Variants in ARFGAP1 observed in about 807,000 individuals in gnomAD.
The protein encoded by ARFGAP1 is ARF GTPase activating protein 1, also known as ADP-ribosylation factor GTPase-activating protein 1.
Under a neutral mutation model 54.0 loss-of-function variants are expected in ARFGAP1, and 26 were observed. The ratio of observed to expected loss-of-function variants is 0.48; its 90% confidence interval spans 0.35 to 0.67. The LOEUF (loss-of-function observed/expected upper bound fraction) is 0.67. Ranked by LOEUF, ARFGAP1 falls within the 30% of genes least tolerant of loss-of-function variation. ARFGAP1 has a pLI of 0.00. For missense variants in ARFGAP1, 525 were observed against 535.8 expected, an observed-to-expected ratio of 0.98 and a Z score of 0.20; for synonymous variants, 248 against 211.9, an observed-to-expected ratio of 1.17 and a Z score of -1.48.
chr20:63,284,948 G>T (rs2067488468), intron 10 of ARFGAP1, 26 bp downstream of exon 10: 16 of 1,612,212 alleles, frequency 9.9e-6, no homozygotes, highest in Non-Finnish European at 1.4e-5. Flanking sequence ...GGGTGGTTGT[G>T]CCTGGAGCCC....
intron 9 of ARFGAP1, chr20:63,283,339 G>A (rs532314705): frequency 9.8e-6 from 2 of 203,664 alleles, no homozygotes; most frequent in Non-Finnish European, 2.0e-5. Flanking sequence ...TAGGATGTGG[G>A]TAGGGGCCCC....
At chr20:63,284,032 C>T in intron 9 of ARFGAP1, 1 of 1,457,316 alleles carries the variant, frequency 6.9e-7, no homozygotes, top group South Asian at 1.4e-5. Context: ...CGTGGCTCTC[C>T]TTTAAGATCC....
Position 63,288,170 on chromosome 20 carries a change from A to C in ARFGAP1, c.*297A>C. The C allele has an allele frequency of 1.7e-6, 1 of 585,994 alleles. No homozygotes were observed. The highest frequency in any genetic ancestry group is 3.2e-6 in the Non-Finnish European group (1 of 316,400). The allele number at this position is 585,994 out of a possible 1,614,324, so 36.3% of individuals were successfully genotyped here. On this transcript the variant is annotated 3_prime_UTR_variant, in exon 13 of 13. Coordinates refer to ENST00000370283, the MANE Select transcript of ARFGAP1 (RefSeq NM_018209.4). ...CGTGGCTTGCTGGGAGGTGGGCTGC[A>C]GCACAGAGGCCTGTGACTGCGTTCC... is the stretch of plus-strand genomic sequence containing the variant.
At chr20:63,284,658 C>T in intron 9 of ARFGAP1, 1 of 1,410,548 alleles carries the variant, frequency 7.1e-7, no homozygotes, top group African/African-American at 1.4e-5. Context: ...TTGGTGGGGG[C>T]CGCGGTCTCC....
rs893009052 is a variant in ARFGAP1 at position 63,288,769 on chromosome 20, A to G, written c.*896A>G. ...TGCCCTGCACACCGGTGCCCGCCAC[A>G]TGCCAACCCTCACCTCCCCGAGGAC... On this transcript the variant is annotated 3_prime_UTR_variant, in exon 13 of 13. Coordinates refer to ENST00000370283, the MANE Select transcript of ARFGAP1 (RefSeq NM_018209.4). The G allele has an allele frequency of 2.9e-6, 1 of 343,172 alleles. No individual in the cohort carries two copies. Among genetic ancestry groups the G allele is most frequent in the Non-Finnish European group, 5.8e-6 (1 of 172,146 alleles). 21.3% of individuals were successfully genotyped at this position (343,172 alleles called of 1,614,324 possible). A position where few individuals can be genotyped will look rare whatever the true frequency, so the allele number is the denominator to read the frequency against.
intron 9 of ARFGAP1, 108 bp from the exon 10 acceptor site, chr20:63,284,754 TTCCC>T: frequency 9.1e-6 from 14 of 1,538,962 alleles, no homozygotes; most frequent in Non-Finnish European, 1.2e-5. Context: ...TCCTGCTGCC[TTCCC>T]TCCTGCTGGT....
chr20:63,282,048 G>A (rs1568737598), intron 8 of ARFGAP1, among the ~76,000 whole-genome samples: 3 of 151,900 alleles, frequency 2.0e-5, no homozygotes, highest in Middle Eastern at 3.4e-3. Flanking sequence ...CCGTCACAGC[G>A]CTCACCTGTC....
intron 7 of ARFGAP1, among the ~76,000 whole-genome samples, chr20:63,279,744 A>G (rs2067329042): frequency 6.6e-6 from 1 of 152,234 alleles, no homozygotes; most frequent in Non-Finnish European, 1.5e-5. Context: ...GCTCCAGGTC[A>G]GATGTTCAGA....
chr20:63,277,273 T>G lies in ARFGAP1; in HGVS notation c.411T>G (p.Pro137=). The G allele has an allele frequency of 6.2e-7, 1 of 1,613,072 alleles. No homozygotes were observed. The highest frequency in any genetic ancestry group is 8.5e-7 in the Non-Finnish European group (1 of 1,179,912). The change falls in exon 5 of 13, where the codon CCT becomes CCG. Residue 137 remains proline, a synonymous_variant. Transcript: ENST00000370283. The stretch of plus-strand genomic sequence containing the variant: ...CACCTGCCCAGAACTGGACCCCACC[T>G]CAGCCCAGGACGCTGCCGTCCATGG... ...ESSPAQNWTP[P]QPRTLPSMVH...
Position 63,287,596 on chromosome 20 carries a change from G to A in ARFGAP1, c.944G>A (p.Gly315Asp). Residue 315 changes from glycine (G) to aspartate (D), a missense_variant, in exon 13 of 13, where the codon GGT (glycine) becomes GAT (aspartate). Around this residue, in one of 3 missense-constraint regions of ARFGAP1, gnomAD observed 466 missense variants for 453.6 expected, o/e 1.03. Transcript: ENST00000370283. The part of the protein sequence containing the change: ...PSEGHSYQNS[G>D]LDHFQNSNID... Reference sequence around the variant, plus strand: ...GAGGGCCACAGTTATCAGAACAGCGGTCTGGACCACTTCCAAAACAGCAAC... The same window carrying A: ...GAGGGCCACAGTTATCAGAACAGCGATCTGGACCACTTCCAAAACAGCAAC... The A allele has an allele frequency of 6.2e-7, 1 of 1,609,648 alleles. No individual in the cohort carries two copies. The highest frequency in any genetic ancestry group is 1.7e-5 in the Admixed American group (1 of 59,864).
chr20:63,277,282 G>A lies in ARFGAP1; in HGVS notation c.420G>A (p.Arg140=). 2.5e-6 allele frequency: 4 copies of A among 1,612,958 alleles called. No homozygotes were observed. Among genetic ancestry groups the A allele is most frequent in the Non-Finnish European group, 3.4e-6 (4 of 1,179,918 alleles). ...AGAACTGGACCCCACCTCAGCCCAGGACGCTGCCGTCCATGGTGCACCGGT... is the reference window on the plus strand; with the variant it reads ...AGAACTGGACCCCACCTCAGCCCAGAACGCTGCCGTCCATGGTGCACCGGT... ...PAQNWTPPQP[R]TLPSMVHRVS... is the part of the protein sequence containing the mutation. The change falls in exon 5 of 13, where the codon AGG becomes AGA. Residue 140 remains arginine (R), a synonymous_variant. Transcript: ENST00000370283.
At chr20:63,279,137 C>T (rs1368228176) in intron 7 of ARFGAP1, 142 bp downstream of exon 7, 7 of 838,782 alleles carry the variant, frequency 8.3e-6, no homozygotes, top group South Asian at 1.5e-5. Context: ...TTACCTTCAG[C>T]GACGTTTTCT....
chr20:63,279,328 C>T (rs1201530769), intron 7 of ARFGAP1: 1 of 424,564 alleles, frequency 2.4e-6, no homozygotes, highest in Admixed American at 3.3e-5. Context: ...GCCTCAGCCT[C>T]CTGAGTAGCT....
intron 1 of ARFGAP1, among the ~76,000 whole-genome samples, chr20:63,275,228 A>G (rs1336490039): frequency 6.6e-6 from 1 of 152,254 alleles, no homozygotes; most frequent in Admixed American, 6.5e-5. Flanking sequence ...GTATTTTTAA[A>G]GACTACCCCT....
chr20:63,285,693 G>T lies in ARFGAP1; in HGVS notation c.814G>T (p.Val272Phe), dbSNP rs1376082439. 1.2e-6 allele frequency: 2 copies of T among 1,613,676 alleles called. No homozygotes were observed. The highest frequency in any genetic ancestry group is 2.2e-5 in the East Asian group (1 of 44,884). ...GKIFDDVSSG[V>F]SQLASKVQGV... Reference sequence around the variant, plus strand: ...GATTTTTGATGATGTCTCCAGTGGGGTCTCTCAGTTGGCGTCCAAGGTAGG... The same window carrying T: ...GATTTTTGATGATGTCTCCAGTGGGTTCTCTCAGTTGGCGTCCAAGGTAGG... Residue 272 changes from valine (V) to phenylalanine (F), a missense_variant, in exon 11 of 13, where the codon GTC (valine) becomes TTC (phenylalanine). Around this residue, in one of 3 missense-constraint regions of ARFGAP1, gnomAD observed 466 missense variants for 453.6 expected, o/e 1.03. Coordinates refer to ENST00000370283, the MANE Select transcript of ARFGAP1 (RefSeq NM_018209.4).
rs779473844 is a variant in ARFGAP1, at chr20:63,281,308, C to T, written c.645C>T (p.Thr215=). 3.1e-6 allele frequency: 5 copies of T among 1,602,134 alleles called. No individual in the cohort carries two copies. In the East Asian group the frequency reaches 1.1e-4, roughly 36 times the overall value. The change falls in exon 8 of 13, where the codon ACC becomes ACT. Residue 215 remains threonine (T), a synonymous_variant. Transcript: ENST00000370283. ...TCCCTCAGGGCTGGAGCAGCTTCAC[C>T]ACTGGAGCCAGCCGGTTTGCCTCGG... The part of the protein sequence containing the change: ...SSLYSGWSSF[T]TGASRFASAA...
rs551856350 is a variant in ARFGAP1 at position 63,287,939 on chromosome 20, T to C, written c.*66T>C. ...CGTGTTTGCACTCTGCCCTCGTCGT[T>C]CCTCCTCCTTCCATTTGACCCAAGA... On this transcript the variant is annotated 3_prime_UTR_variant, in exon 13 of 13. Coordinates refer to ENST00000370283, the MANE Select transcript of ARFGAP1 (RefSeq NM_018209.4). 4.9e-6 allele frequency: 7 copies of C among 1,421,914 alleles called. No individual in the cohort carries two copies. Among genetic ancestry groups the C allele is most frequent in the South Asian group, 1.4e-5 (1 of 70,784 alleles). The allele number at this position is 1,421,914 out of a possible 1,614,324, so 88.1% of individuals were successfully genotyped here.
Position 63,287,885 on chromosome 20 carries a change from C to T in ARFGAP1, c.*12C>T, listed in dbSNP as rs767488763. 6.7e-7 allele frequency: 1 copy of T among 1,501,308 alleles called. No homozygotes were observed. Among genetic ancestry groups the T allele is most frequent in the Non-Finnish European group, 8.9e-7 (1 of 1,123,602 alleles). The allele number at this position is 1,501,308 out of a possible 1,614,324, so 93.0% of individuals were successfully genotyped here. On this transcript the variant is annotated 3_prime_UTR_variant, in exon 13 of 13. Coordinates refer to ENST00000370283, the MANE Select transcript of ARFGAP1 (RefSeq NM_018209.4). ...ACCAGAACTGGTAGGGCCCACTGCG[C>T]CCCCGTCCCCAGCGCCCCCGGGCGA...
In ARFGAP1 at chr20:63,287,545, C is replaced by T. The variant is rs750611914; in HGVS notation, c.912-19C>T. 1 of 1,562,262 alleles carries T rather than the reference C, an allele frequency of 6.4e-7. No individual in the cohort carries two copies. Among genetic ancestry groups the T allele is most frequent in the Non-Finnish European group, 8.7e-7 (1 of 1,150,436 alleles). On this transcript the variant is annotated intron_variant, in intron 12 of 12. Transcript: ENST00000370283. ...CTGAGTAACAGTCATTTAGAGTCCCCCTTCTGTCTCTTTAAAAGCCCCTCG... is the reference window on the plus strand; with the variant it reads ...CTGAGTAACAGTCATTTAGAGTCCCTCTTCTGTCTCTTTAAAAGCCCCTCG...
Sources: gnomAD v4.1 joint callset for allele counts (sites outside exome capture counted in the v4.1 genomes callset) on GRCh38, gnomAD v4.1.1 for gene constraint, gnomAD v4.1.1 regional missense constraint, MANE v1.5 for transcripts, NCBI Gene and HGNC (gene_info 2026-07-23, HGNC 2026-07-21) for gene names.